The following FMO3 variants were observed in gnomAD, a reference collection of about 807,000 sequenced individuals.
The protein encoded by FMO3 is flavin-containing monooxygenase 3.
In FMO3, 40 loss-of-function variants were observed where a neutral mutation model predicts 39.4. The observed-to-expected ratio is 1.02, with a 90% confidence interval of 0.79 to 1.32. The LOEUF (loss-of-function observed/expected upper bound fraction) is 1.32. FMO3 is among the 40% of genes most tolerant of loss of function. The pLI is 0.00. For synonymous variants in FMO3, 219 were observed against 228.8 expected, an observed-to-expected ratio of 0.96 and a Z score of 0.39; for missense variants, 680 against 651.8, an observed-to-expected ratio of 1.04 and a Z score of -0.47.
intron 3 of FMO3, among the ~76,000 whole-genome samples, chr1:171,106,740 T>A (rs553693661): frequency 6.6e-6 from 1 of 152,110 alleles, no homozygotes; most frequent in Admixed American, 6.6e-5. Context: ...CTAGAATTCA[T>A]AGCAATATAA....
intron 2 of FMO3, among the ~76,000 whole-genome samples, chr1:171,096,038 T>G (rs1198628109): frequency 1.5e-5 from 1 of 66,022 alleles, no homozygotes; most frequent in Non-Finnish European, 2.4e-5. Flanking sequence ...ATATAATATA[T>G]ATTATATATA....
At chr1:171,095,039 C>T (rs983839979) in intron 2 of FMO3, among the ~76,000 whole-genome samples, 1 of 152,042 alleles carries the variant, frequency 6.6e-6, no homozygotes, top group South Asian at 2.1e-4. Context: ...ATGATATTGG[C>T]CCTTCCAATC....
intron 1 of FMO3, among the ~76,000 whole-genome samples, chr1:171,092,127 G>C (rs1286812343): frequency 6.6e-6 from 1 of 152,130 alleles, no homozygotes; most frequent in African/African-American, 2.4e-5. Context: ...ATTTTGGAGA[G>C]CTGATGACTA....
At chr1:171,110,341 T>A (rs1655848614) in intron 5 of FMO3, among the ~76,000 whole-genome samples, 1 of 152,168 alleles carries the variant, frequency 6.6e-6, no homozygotes, top group Admixed American at 6.5e-5. Context: ...CAGTTATTAG[T>A]CACCTGTAGC....
chr1:171,110,420 T>G (rs1655852361), intron 5 of FMO3, among the ~76,000 whole-genome samples: 1 of 152,146 alleles, frequency 6.6e-6, no homozygotes, highest in African/African-American at 2.4e-5. Flanking sequence ...AAGATGTAGA[T>G]GTAAAGTTCA....
intron 6 of FMO3, among the ~76,000 whole-genome samples, 184 bp downstream of exon 6, chr1:171,111,181 G>A (rs545927239): frequency 6.6e-5 from 10 of 152,230 alleles, no homozygotes; most frequent in African/African-American, 2.4e-4. Flanking sequence ...TATTTACACA[G>A]CTGGAAAATT....
intron 3 of FMO3, among the ~76,000 whole-genome samples, chr1:171,107,425 T>A (rs1655692087): frequency 6.6e-6 from 1 of 152,190 alleles, no homozygotes; most frequent in Non-Finnish European, 1.5e-5. Flanking sequence ...ATAATTGAAT[T>A]CACTGCCATA....
At chr1:171,108,423 G>T (rs1041647720) in intron 5 of FMO3, among the ~76,000 whole-genome samples, 2 of 152,124 alleles carry the variant, frequency 1.3e-5, no homozygotes, top group Non-Finnish European at 2.9e-5. Context: ...TCAGCAAGGA[G>T]TAACTGTCAT....
chr1:171,114,079 G>A lies in FMO3; in HGVS notation c.900G>A (p.Lys300=), dbSNP rs762155483. Residue 300 remains lysine, a synonymous_variant, in exon 7 of 9, where the codon AAG becomes AAA. Transcript: ENST00000367755. ...TTCTGTGTGGCATTGTGTCCGTAAAGCCTAACGTGAAGGAATTCACAGAGA... is the reference window on the plus strand; with the variant it reads ...TTCTGTGTGGCATTGTGTCCGTAAAACCTAACGTGAAGGAATTCACAGAGA... ...ASILCGIVSV[K]PNVKEFTETS... The A allele has an allele frequency of 1.6e-5, 26 of 1,613,582 alleles. No individual in the cohort carries two copies. The Admixed American group carries it at 4.0e-4, about 25-fold the overall frequency.
intron 2 of FMO3, 135 bp from the exon 3 acceptor site, chr1:171,103,650 G>C: frequency 1.3e-6 from 1 of 748,400 alleles, no homozygotes. Context: ...AGCATTCGTA[G>C]ATTTTGGTAA....
At chr1:171,096,238 A>AT (rs1348351140) in intron 2 of FMO3, among the ~76,000 whole-genome samples, 1 of 85,112 alleles carries the variant, frequency 1.2e-5, no homozygotes. Context: ...AAAATATATT[A>AT]TTTCATACAT....
chr1:171,117,308 C>A lies in FMO3; in HGVS notation c.1465C>A (p.Gln489Lys). The A allele has an allele frequency of 6.2e-7, 1 of 1,614,110 alleles. No homozygotes were observed. The highest frequency in any genetic ancestry group is 8.5e-7 in the Non-Finnish European group (1 of 1,179,954). ...WPGARNAILT[Q>K]WDRSLKPMQT... ...AGGAGCCAGAAATGCCATACTGACC[C>A]AGTGGGACCGGTCGTTGAAACCCAT... The change falls in exon 9 of 9, where the codon CAG becomes AAG. Residue 489 changes from glutamine (Q) to lysine (K), a missense_variant. Gln to Lys is a moderately conservative substitution (Grantham distance 53). Coordinates refer to ENST00000367755, the MANE Select transcript of FMO3 (RefSeq NM_001002294.3).
intron 2 of FMO3, 134 bp from the exon 3 acceptor site, chr1:171,103,651 A>AT: frequency 2.7e-6 from 2 of 752,116 alleles, no homozygotes; most frequent in Non-Finnish European, 4.8e-6. Context: ...GCATTCGTAG[A>AT]TTTTGGTAAC....
Position 171,114,297 on chromosome 1 carries a change from A to G in FMO3, c.1118A>G (p.Gln373Arg), listed in dbSNP as rs1656048633. ...KSTIAVIGFV[Q>R]SLGAAIPTVD... ...ACCATAGCAGTGATTGGCTTTGTCC[A>G]GTCCCTTGGGGCTGCCATTCCCACA... The change falls in exon 7 of 9, where the codon CAG (glutamine) becomes CGG (arginine). Residue 373 changes from glutamine (Q) to arginine (R), a missense_variant. Transcript: ENST00000367755. 2 of 1,613,842 alleles carry G rather than the reference A, an allele frequency of 1.2e-6. No homozygotes were observed. Among genetic ancestry groups the G allele is most frequent in the South Asian group, 2.2e-5 (2 of 91,092 alleles).
rs201539772 is a variant in FMO3 at position 171,111,014 on chromosome 1, C to G, written c.827+17C>G. 1.3e-6 allele frequency: 2 copies of G among 1,598,564 alleles called. No individual in the cohort carries two copies. Among genetic ancestry groups the G allele is most frequent in the Non-Finnish European group, 1.7e-6 (2 of 1,166,778 alleles). ...TTTAAATGGGTAATGCAGAGCTAAACGTGATATGCCTGCTGGCTTTTAGTT... is the reference window on the plus strand; with the variant it reads ...TTTAAATGGGTAATGCAGAGCTAAAGGTGATATGCCTGCTGGCTTTTAGTT... On this transcript the variant is annotated intron_variant, in intron 6 of 8. Transcript: ENST00000367755.
intron 6 of FMO3, 57 bp downstream of exon 6, chr1:171,111,054 C>G (rs562815035): frequency 1.5e-4 from 207 of 1,379,958 alleles, no homozygotes; most frequent in Non-Finnish European, 2.1e-4. Flanking sequence ...GTCAACAACC[C>G]TTAATGTCCT....
chr1:171,109,546 T>TTTTTC (rs1353921015), intron 5 of FMO3, among the ~76,000 whole-genome samples: 3 of 136,100 alleles, frequency 2.2e-5, no homozygotes. Flanking sequence ...TTTTTTTTTT[T>TTTTTC]TTTTTGGAGA....
chr1:171,110,908 T>G lies in FMO3; in HGVS notation c.738T>G (p.Asn246Lys). ...VTRFGTFLKN[N>K]LPTAISDWLY... is the part of the protein sequence containing the mutation. Reference sequence around the variant, plus strand: ...GATTTGGAACCTTCCTCAAGAACAATTTACCGACAGCCATCTCTGACTGGT... The same window carrying G: ...GATTTGGAACCTTCCTCAAGAACAAGTTACCGACAGCCATCTCTGACTGGT... The change falls in exon 6 of 9, where the codon AAT (asparagine) becomes AAG (lysine). Residue 246 changes from asparagine (N) to lysine (K), a missense_variant. Physicochemically the swap from Asn to Lys is moderately conservative, Grantham distance 94. Transcript: ENST00000367755. The G allele has an allele frequency of 6.2e-7, 1 of 1,614,018 alleles. No individual in the cohort carries two copies. Among genetic ancestry groups the G allele is most frequent in the Non-Finnish European group, 8.5e-7 (1 of 1,179,938 alleles).
At chr1:171,107,334 C>G (rs1239091555) in intron 3 of FMO3, among the ~76,000 whole-genome samples, 1 of 152,094 alleles carries the variant, frequency 6.6e-6, no homozygotes, top group African/African-American at 2.4e-5. Context: ...ATATACTGAA[C>G]CAGAACATAC....
Sources: allele counts gnomAD v4.1 joint callset (sites outside exome capture counted in the v4.1 genomes callset), GRCh38; gene constraint gnomAD v4.1.1; transcripts MANE v1.5; gene names NCBI Gene and HGNC (gene_info 2026-07-23, HGNC 2026-07-21).